The following OXCT1 variants were observed in gnomAD, a reference collection of about 807,000 sequenced individuals.
OXCT1 encodes 3-oxoacid CoA-transferase 1.
Under a neutral mutation model 69.6 loss-of-function variants are expected in OXCT1, and 27 were observed. That is an observed-to-expected ratio of 0.39 (90% CI 0.29 to 0.54). OXCT1 has a LOEUF of 0.54. OXCT1 is among the 20% of genes least tolerant of loss of function. OXCT1 has a pLI of 0.72. For synonymous variants in OXCT1, 202 were observed against 217.8 expected (o/e 0.93, Z 0.64); for missense variants, 437 against 650.2 (o/e 0.67, Z 3.57).
chr5:41,786,368 C>G (rs1007401457), intron 13 of OXCT1, among the ~76,000 whole-genome samples: 4 of 152,100 alleles, frequency 2.6e-5, no homozygotes, highest in African/African-American at 9.7e-5. Flanking sequence ...CCTTGCCTTC[C>G]CTTTCTCTTG....
intron 13 of OXCT1, among the ~76,000 whole-genome samples, chr5:41,792,416 G>A (rs181102097): frequency 1.3e-5 from 2 of 152,230 alleles, no homozygotes; most frequent in East Asian, 1.9e-4. Flanking sequence ...ATAGATGAGG[G>A]CATTTTAACC....
At chr5:41,835,574 G>A (rs1430172659) in intron 7 of OXCT1, among the ~76,000 whole-genome samples, 1 of 152,088 alleles carries the variant, frequency 6.6e-6, no homozygotes, top group Non-Finnish European at 1.5e-5. Context: ...ACCAAATATC[G>A]TATCATCTAA....
intron 1 of OXCT1, among the ~76,000 whole-genome samples, chr5:41,868,454 A>G (rs1750106270): frequency 1.3e-5 from 2 of 152,220 alleles, no homozygotes; most frequent in African/African-American, 4.8e-5. Flanking sequence ...AAAGTGCTAA[A>G]CAATAAGGGC....
intron 1 of OXCT1, among the ~76,000 whole-genome samples, chr5:41,867,508 C>A (rs1750047208): frequency 6.6e-6 from 1 of 152,130 alleles, no homozygotes; most frequent in South Asian, 2.1e-4. Context: ...GAAAGAGGCA[C>A]ACATATGACA....
At chr5:41,846,780 C>T (rs1001586389) in intron 5 of OXCT1, among the ~76,000 whole-genome samples, 21 of 152,178 alleles carry the variant, frequency 1.4e-4, no homozygotes, top group Non-Finnish European at 2.9e-5. Flanking sequence ...TCTCCACATC[C>T]TCTCCAGCAC....
At chr5:41,804,110 G>A (rs1746553473) in intron 9 of OXCT1, among the ~76,000 whole-genome samples, 1 of 152,002 alleles carries the variant, frequency 6.6e-6, no homozygotes, top group African/African-American at 2.4e-5. Flanking sequence ...CAATGACCCA[G>A]GTCACTTCTT....
At chr5:41,736,941 C>T (rs1742913681) in intron 16 of OXCT1, among the ~76,000 whole-genome samples, 1 of 152,226 alleles carries the variant, frequency 6.6e-6, no homozygotes, top group Non-Finnish European at 1.5e-5. Flanking sequence ...CATGGAATGT[C>T]TTCTGAATTG....
intron 15 of OXCT1, among the ~76,000 whole-genome samples, chr5:41,742,166 AC>A (rs996402279): frequency 1.5e-4 from 23 of 152,176 alleles, no homozygotes; most frequent in Admixed American, 1.2e-3. Flanking sequence ...TTTTAAAAAA[AC>A]CTTATTAACA....
chr5:41,773,540 T>G (rs778441383), intron 13 of OXCT1, among the ~76,000 whole-genome samples: 58 of 151,964 alleles, frequency 3.8e-4, no homozygotes, highest in Non-Finnish European at 7.9e-4. Context: ...AAGGCTGCAC[T>G]GAGTCATGAC....
At chr5:41,825,270 C>A (rs1381906046) in intron 7 of OXCT1, among the ~76,000 whole-genome samples, 6 of 152,138 alleles carry the variant, frequency 3.9e-5, no homozygotes, top group Non-Finnish European at 5.9e-5. Context: ...CTTTGTTACT[C>A]AGTGGCAGAA....
intron 13 of OXCT1, among the ~76,000 whole-genome samples, chr5:41,763,714 G>A (rs767146499): frequency 2.6e-5 from 4 of 151,962 alleles, no homozygotes; most frequent in Non-Finnish European, 4.4e-5. Context: ...GGGGGCGAGC[G>A]CTGGAAGAAT....
At chr5:41,740,032 G>A (rs747429710) in intron 15 of OXCT1, among the ~76,000 whole-genome samples, 1 of 152,154 alleles carries the variant, frequency 6.6e-6, no homozygotes, top group Non-Finnish European at 1.5e-5. Flanking sequence ...AATGAGCATT[G>A]ACCATGGATG....
chr5:41,769,621 C>T lies in OXCT1; in HGVS notation c.1249-7421G>A, dbSNP rs1044511409. ...ATGTGTGCCTGTGGTCCCAGCTACTCGAGAAGCTGAGGCAGGAAAATCACT... is the reference window on the plus strand; with the variant it reads ...ATGTGTGCCTGTGGTCCCAGCTACTTGAGAAGCTGAGGCAGGAAAATCACT... On this transcript the variant is annotated intron_variant, in intron 13 of 16. Coordinates refer to ENST00000196371, the MANE Select transcript of OXCT1 (RefSeq NM_000436.4). Among the ~76,000 whole-genome samples, 5 of 150,904 alleles carry T rather than the reference C, an allele frequency of 3.3e-5. No homozygotes were observed. In the East Asian group the frequency reaches 7.8e-4, roughly 24 times the overall value.
intron 7 of OXCT1, among the ~76,000 whole-genome samples, chr5:41,821,478 T>A (rs770432446): frequency 1.2e-4 from 18 of 152,140 alleles, no homozygotes; most frequent in Non-Finnish European, 2.6e-4. Context: ...TTCCAAGGAG[T>A]GTAATTGCTG....
intron 16 of OXCT1, among the ~76,000 whole-genome samples, chr5:41,738,911 G>T (rs1296966962): frequency 6.6e-6 from 1 of 152,198 alleles, no homozygotes; most frequent in Non-Finnish European, 1.5e-5. Flanking sequence ...CTAACCTGGT[G>T]ATGTCAGAGG....
chr5:41,845,211 T>G (rs936657275), intron 5 of OXCT1, among the ~76,000 whole-genome samples: 3 of 152,148 alleles, frequency 2.0e-5, no homozygotes, highest in Non-Finnish European at 4.4e-5. Flanking sequence ...GTACTTACTC[T>G]TCCTTCTGAA....
chr5:41,817,717 G>T (rs1399239966), intron 7 of OXCT1, among the ~76,000 whole-genome samples: 1 of 152,096 alleles, frequency 6.6e-6, no homozygotes, highest in African/African-American at 2.4e-5. Context: ...TGTATAACTA[G>T]GTAACTACCA....
chr5:41,820,668 C>A lies in OXCT1; in HGVS notation c.733-13230G>T, dbSNP rs10462025. Among the ~76,000 whole-genome samples, 266 of 152,132 alleles carry A rather than the reference C, an allele frequency of 1.7e-3. 11 individuals carry two copies. The East Asian group carries it at 0.048, about 27-fold the overall frequency. ...TGGACAGTAATTAAAGAAAATCAAG[C>A]CAAGACACTTCCATGTTTTCTCTCA... On this transcript the variant is annotated intron_variant, in intron 7 of 16. Coordinates refer to ENST00000196371, the MANE Select transcript of OXCT1 (RefSeq NM_000436.4).
At chr5:41,837,117 T>C (rs942917866) in intron 7 of OXCT1, among the ~76,000 whole-genome samples, 1 of 152,058 alleles carries the variant, frequency 6.6e-6, no homozygotes, top group Admixed American at 6.5e-5. Flanking sequence ...TCTTAGTACT[T>C]TAAATATTTA....
Sources: gnomAD v4.1 joint callset for allele counts (sites outside exome capture counted in the v4.1 genomes callset) on GRCh38, gnomAD v4.1.1 for gene constraint, MANE v1.5 for transcripts, NCBI Gene and HGNC (gene_info 2026-07-23, HGNC 2026-07-21) for gene names.